FNDC1: variants seen among roughly 807,000 people sequenced by gnomAD.
FNDC1 encodes fibronectin type III domain-containing protein 1.
A neutral mutation model predicts 168.0 loss-of-function variants in FNDC1; 96 were observed. The ratio of observed to expected loss-of-function variants is 0.57; its 90% CI spans 0.48 to 0.68. FNDC1 has a LOEUF of 0.68. Among genes scored for constraint, FNDC1 ranks in the 30% least tolerant of loss-of-function variants. The pLI is 0.00. For missense variants in FNDC1, 2,587 were observed against 2,482.1 expected (o/e 1.04, Z -0.90); for synonymous variants, 1,099 against 1,025.9 (o/e 1.07, Z -1.36).
chr6:159,190,291 G>GCCTGTCC (rs1164571192), intron 1 of FNDC1, among the ~76,000 whole-genome samples: 1 of 152,204 alleles, frequency 6.6e-6, no homozygotes. Context: ...GACATTTCTG[G>GCCTGTCC]CCTGTCCCCT....
intron 19 of FNDC1, among the ~76,000 whole-genome samples, chr6:159,264,028 T>A (rs1052914872): frequency 2.6e-5 from 4 of 152,262 alleles, no homozygotes; most frequent in Non-Finnish European, 5.9e-5. Flanking sequence ...CATATTCTCT[T>A]AAGTGGTGTT....
intron 1 of FNDC1, among the ~76,000 whole-genome samples, chr6:159,176,882 C>T (rs1241246416): frequency 6.6e-6 from 1 of 152,148 alleles, no homozygotes; most frequent in Admixed American, 6.5e-5. Context: ...TTCTTCATGC[C>T]AATATAGACC....
At chr6:159,264,169 G>C (rs374920408) in intron 19 of FNDC1, among the ~76,000 whole-genome samples, 15 of 152,226 alleles carry the variant, frequency 9.9e-5, no homozygotes, top group African/African-American at 3.6e-4. Flanking sequence ...CATTGTCACT[G>C]TCAAGATAGT....
At chr6:159,235,032 A>G (rs1295110838) in intron 11 of FNDC1, among the ~76,000 whole-genome samples, 2 of 152,226 alleles carry the variant, frequency 1.3e-5, no homozygotes, top group African/African-American at 2.4e-5. Flanking sequence ...CCCTGAGACA[A>G]ACTCAGATAT....
chr6:159,226,866 A>G (rs1037737704), intron 9 of FNDC1, among the ~76,000 whole-genome samples: 1 of 152,190 alleles, frequency 6.6e-6, no homozygotes, highest in African/African-American at 2.4e-5. Flanking sequence ...CATCTGAACA[A>G]CACCCTGGCT....
intron 1 of FNDC1, among the ~76,000 whole-genome samples, chr6:159,183,063 G>C (rs896380173): frequency 6.6e-6 from 1 of 152,174 alleles, no homozygotes; most frequent in African/African-American, 2.4e-5. Flanking sequence ...GTGTTCTGTG[G>C]CATTTATTCC....
rs561749837 is a variant in FNDC1, at chr6:159,234,597, A to G, written c.3967+118A>G. 8.3e-5 allele frequency: 76 copies of G among 917,046 alleles called. No individual in the cohort carries two copies. The South Asian group carries it at 1.2e-3, about 14-fold the overall frequency. 56.8% of individuals were successfully genotyped at this position (917,046 alleles called of 1,614,324 possible). A position where few individuals can be genotyped will look rare whatever the true frequency, so the allele number is the denominator to read the frequency against. ...TACTATGTCCACGCACCGTGTTAAG[A>G]GCTTTGCACATGTGACATAATTTCA... On this transcript the variant is annotated intron_variant, in intron 11 of 22. Coordinates refer to ENST00000297267, the MANE Select transcript of FNDC1 (RefSeq NM_032532.3).
At chr6:159,243,011 C>T (rs539033239) in intron 14 of FNDC1, among the ~76,000 whole-genome samples, 44 of 152,102 alleles carry the variant, frequency 2.9e-4, no homozygotes, top group African/African-American at 9.4e-4. Context: ...TGGTTTTGTT[C>T]TACTTGATCT....
intron 4 of FNDC1, among the ~76,000 whole-genome samples, chr6:159,204,376 T>C (rs1782443293): frequency 6.6e-6 from 1 of 152,138 alleles, no homozygotes; most frequent in African/African-American, 2.4e-5. Context: ...AAGTTACAGA[T>C]AGAGTTGATC....
At chr6:159,200,675 C>A in intron 4 of FNDC1, 94 bp downstream of exon 4, 3 of 972,848 alleles carry the variant, frequency 3.1e-6, no homozygotes, top group South Asian at 3.1e-5. Context: ...TGCTCACAAA[C>A]CTTCACTGAG....
intron 14 of FNDC1, among the ~76,000 whole-genome samples, chr6:159,242,046 C>T (rs929575289): frequency 1.1e-4 from 17 of 152,140 alleles, no homozygotes; most frequent in African/African-American, 4.1e-4. Context: ...ATGTTCATTG[C>T]AGCACTATTC....
In FNDC1 at chr6:159,203,520, G is replaced by A. The variant is rs570920579; in HGVS notation, c.460+2939G>A. On this transcript the variant is annotated intron_variant, in intron 4 of 22. Transcript: ENST00000297267. ...CACTCAGGAAATGACAGGATCGAGCGAGAATGCAGCACGAGGGCAGCAGTT... is the reference window on the plus strand; with the variant it reads ...CACTCAGGAAATGACAGGATCGAGCAAGAATGCAGCACGAGGGCAGCAGTT... 3.9e-5 allele frequency among the ~76,000 whole-genome samples: 6 copies of A among 152,270 alleles called. No individual in the cohort carries two copies. In the East Asian group the frequency reaches 5.8e-4, roughly 15 times the overall value.
intron 1 of FNDC1, among the ~76,000 whole-genome samples, chr6:159,186,194 C>A (rs529243519): frequency 3.3e-5 from 5 of 152,100 alleles, no homozygotes; most frequent in Non-Finnish European, 5.9e-5. Context: ...CTTTGTAGAT[C>A]TTTTCCAAGT....
chr6:159,203,961 T>C (rs556125152), intron 4 of FNDC1, among the ~76,000 whole-genome samples: 2 of 152,386 alleles, frequency 1.3e-5, no homozygotes, highest in African/African-American at 4.8e-5. Flanking sequence ...TTAATCATTT[T>C]TAAGGTTTTT....
chr6:159,213,885 T>A (rs1782659086), intron 4 of FNDC1, among the ~76,000 whole-genome samples: 1 of 152,206 alleles, frequency 6.6e-6, no homozygotes, highest in Non-Finnish European at 1.5e-5. Flanking sequence ...GAACCAGGTG[T>A]CTGCCATTTC....
At position 159,232,026 on chromosome 6, in the gene FNDC1, T is replaced by G. The variant is rs1421780261; in HGVS notation, c.1514T>G (p.Leu505Arg). Residue 505 changes from leucine to arginine, a missense_variant, in exon 11 of 23, where the codon CTT becomes CGT. Transcript: ENST00000297267. This position sits in a 1 kb window ranked among gnomAD's most constrained non-coding sequence, Gnocchi z 4.9. The stretch of plus-strand genomic sequence containing the variant: ...CCCCAAGGGAGAAATGCCAAGGACC[T>G]TCTTCTTGACTTGAAGAACAAAATA... ...ASPQGRNAKDLLLDLKNKILA... is the reference protein window; with the variant it reads ...ASPQGRNAKDRLLDLKNKILA... 1 of 1,613,984 alleles carries G rather than the reference T, an allele frequency of 6.2e-7. No individual in the cohort carries two copies. The highest frequency in any genetic ancestry group is 1.1e-5 in the South Asian group (1 of 91,072).
At chr6:159,219,534 T>TAA (rs1412985151) in intron 5 of FNDC1, among the ~76,000 whole-genome samples, 3 of 152,174 alleles carry the variant, frequency 2.0e-5, no homozygotes, top group Non-Finnish European at 4.4e-5. Context: ...GTGGGCCCGC[T>TAA]TCCTTGTCTG....
At position 159,238,560 on chromosome 6, in the gene FNDC1, G is replaced by A. The variant is rs547933540; in HGVS notation, c.4075G>A (p.Asp1359Asn). 2.7e-5 allele frequency: 43 copies of A among 1,607,492 alleles called. No individual in the cohort carries two copies. In the Middle Eastern group the frequency reaches 5.0e-4, roughly 19 times the overall value. ...NGPQGTKWVV[D>N]LDRGLVLNAE... ...ATCTATGTCATGGATTTAGGTTGTG[G>A]ACCTTGATCGTGGGTTAGTATTGAA... The change falls in exon 13 of 23, where the codon GAC (aspartate) becomes AAC (asparagine). Residue 1359 changes from aspartate to asparagine, a missense_variant. Physicochemically the swap from Asp to Asn is conservative, Grantham distance 23. Coordinates refer to ENST00000297267, the MANE Select transcript of FNDC1 (RefSeq NM_032532.3).
rs745948821 is a variant in FNDC1, at chr6:159,233,350, C to T, written c.2838C>T (p.Ala946=). ...CTCAGGGCAAGTACTCCTCCCTGGCCTCCAAGGCTCAGGATGTTCAACAGA... is the reference window on the plus strand; with the variant it reads ...CTCAGGGCAAGTACTCCTCCCTGGCTTCCAAGGCTCAGGATGTTCAACAGA... ...THPQGKYSSL[A]SKAQDVQQST... is the part of the protein sequence containing the mutation. The change falls in exon 11 of 23, where the codon GCC becomes GCT. Residue 946 remains alanine (A), a synonymous_variant. Transcript: ENST00000297267. The surrounding 1 kb of genome is among the most constrained non-coding windows in gnomAD (Gnocchi z 4.6). 2 of 1,613,834 alleles carry T rather than the reference C, an allele frequency of 1.2e-6. No homozygotes were observed. Among genetic ancestry groups the T allele is most frequent in the Non-Finnish European group, 8.5e-7 (1 of 1,179,878 alleles).
Sources: allele counts gnomAD v4.1 joint callset (sites outside exome capture counted in the v4.1 genomes callset), GRCh38; gene constraint gnomAD v4.1.1; non-coding constraint Gnocchi (gnomAD v3.1); transcripts MANE v1.5; gene names NCBI Gene and HGNC (gene_info 2026-07-23, HGNC 2026-07-21).